Variants in SGK2 observed in about 807,000 individuals in gnomAD.
The protein encoded by SGK2 is serum/glucocorticoid regulated kinase 2, also known as serine/threonine-protein kinase Sgk2.
In SGK2, 36 loss-of-function variants were observed where a neutral mutation model predicts 47.5. The observed-to-expected ratio is 0.76, with a 90% CI of 0.58 to 1.00. The LOEUF (loss-of-function observed/expected upper bound fraction) is 1.00, where lower values mean the gene tolerates loss of function less well. Among genes scored for constraint, SGK2 ranks in the 50% least tolerant of loss-of-function variants. The probability of loss-of-function intolerance (pLI) is 0.00; values close to 1 mark genes in which losing one functional copy is unlikely to be tolerated. For missense variants in SGK2, 404 were observed against 467.4 expected (o/e 0.86, Z 1.25); for synonymous variants, 157 against 181.9 (o/e 0.86, Z 1.10).
At chr20:43,562,417 C>CAAAAA (rs111670042) in intron 1 of SGK2, among the ~76,000 whole-genome samples, 4 of 49,934 alleles carry the variant, frequency 8.0e-5, no homozygotes, top group African/African-American at 1.4e-4. Context: ...AACCATGTCT[C>CAAAAA]AAAAAAAAAA....
At chr20:43,575,885 C>T (rs1267623923) in intron 10 of SGK2, among the ~76,000 whole-genome samples, 1 of 152,190 alleles carries the variant, frequency 6.6e-6, no homozygotes, top group East Asian at 1.9e-4. Flanking sequence ...GCCTTGTTTT[C>T]TTACCTGAAA....
At chr20:43,570,891 T>C in intron 7 of SGK2, 133 bp from the exon 8 acceptor site, 1 of 1,450,296 alleles carries the variant, frequency 6.9e-7, no homozygotes, top group Non-Finnish European at 9.6e-7. Context: ...CCAGCCTTTC[T>C]GGGCTCTCCT....
At chr20:43,561,539 A>G (rs754881188) in intron 1 of SGK2, among the ~76,000 whole-genome samples, 3 of 151,650 alleles carry the variant, frequency 2.0e-5, no homozygotes, top group Non-Finnish European at 4.4e-5. Context: ...ACAGGCACAT[A>G]TCACCACGCC....
chr20:43,569,272 A>G (rs1390469800), intron 5 of SGK2, 113 bp from the exon 6 acceptor site: 2 of 1,359,548 alleles, frequency 1.5e-6, no homozygotes, highest in Non-Finnish European at 2.0e-6. Flanking sequence ...GAGCAGGGGC[A>G]TGAGAAAGTC....
Position 43,569,389 on chromosome 20 carries a change from G to T in SGK2, c.233G>T (p.Ser78Ile), listed in dbSNP as rs781438134. Residue 78 changes from serine (S) to isoleucine (I), a missense_variant, in exon 6 of 13, where the codon AGC (serine) becomes ATC (isoleucine). Transcript: ENST00000373100. ...KKSILKKKEQSHIMAERSVLL... is the reference protein window; with the variant it reads ...KKSILKKKEQIHIMAERSVLL... The stretch of plus-strand genomic sequence containing the variant: ...CCTCTCTTTGTGACTCCACAGCAGA[G>T]CCACATCATGGCAGAGCGCAGTGTG... 36 of 1,613,770 alleles carry T rather than the reference G, an allele frequency of 2.2e-5. No individual in the cohort carries two copies. Among genetic ancestry groups the T allele is most frequent in the Admixed American group, 5.0e-5 (3 of 60,004 alleles).
chr20:43,560,737 T>C (rs1979332327), intron 1 of SGK2, among the ~76,000 whole-genome samples: 1 of 152,298 alleles, frequency 6.6e-6, no homozygotes, highest in Middle Eastern at 3.4e-3. Flanking sequence ...TTTTATATAG[T>C]TTTTGGTTGT....
intron 3 of SGK2, 37 bp from the exon 4 acceptor site, chr20:43,567,628 T>C: frequency 6.2e-7 from 1 of 1,607,202 alleles, no homozygotes; most frequent in Admixed American, 1.7e-5. Flanking sequence ...TTCCAGACAT[T>C]GCAAATGCTG....
intron 5 of SGK2, among the ~76,000 whole-genome samples, chr20:43,568,722 C>T (rs1414024496): frequency 6.6e-6 from 1 of 152,180 alleles, no homozygotes; most frequent in African/African-American, 2.4e-5. Flanking sequence ...CCGCTGGCCT[C>T]AGCCTCCCAA....
rs1247080721 is a variant in SGK2 at position 43,566,645 on chromosome 20, A to G, written c.36+114A>G. On this transcript the variant is annotated intron_variant, in intron 2 of 12. Transcript: ENST00000373100. Reference sequence around the variant, plus strand: ...GCTGAGAGGGTTACTGCGAGCACATAGAAATGAGCCACTTGCAGGGTGAAT... The same window carrying G: ...GCTGAGAGGGTTACTGCGAGCACATGGAAATGAGCCACTTGCAGGGTGAAT... The G allele has an allele frequency of 4.3e-6, 3 of 698,702 alleles. No homozygotes were observed. In the African/African-American group the frequency reaches 5.4e-5, roughly 12 times the overall value. 43.3% of individuals were successfully genotyped at this position (698,702 alleles called of 1,614,324 possible).
At chr20:43,568,061 T>C in intron 5 of SGK2, 62 bp downstream of exon 5, 11 of 1,423,732 alleles carry the variant, frequency 7.7e-6, no homozygotes, top group Non-Finnish European at 1.1e-5. Context: ...CTAGGGTGGC[T>C]TTCAAAGATG....
intron 5 of SGK2, 112 bp from the exon 6 acceptor site, chr20:43,569,273 T>G: frequency 1.4e-4 from 191 of 1,371,286 alleles, no homozygotes; most frequent in Middle Eastern, 2.5e-4. Context: ...AGCAGGGGCA[T>G]GAGAAAGTCC....
At chr20:43,565,155 G>A (rs1979617831) in intron 1 of SGK2, 1 of 152,328 alleles carries the variant, frequency 6.6e-6, no homozygotes, top group Non-Finnish European at 1.5e-5. Flanking sequence ...TGAGCTCTGT[G>A]CTGGGGCCAG....
intron 1 of SGK2, among the ~76,000 whole-genome samples, chr20:43,561,540 T>C (rs1200707457): frequency 2.0e-5 from 3 of 151,714 alleles, no homozygotes; most frequent in Non-Finnish European, 4.4e-5. Context: ...CAGGCACATA[T>C]CACCACGCCC....
rs377563194 is a variant in SGK2 at position 43,566,304 on chromosome 20, C to A, written c.-23-169C>A. On this transcript the variant is annotated intron_variant, in intron 1 of 12. Transcript: ENST00000373100. ...AGTCTGGGTCCAGGGGATATCATTT[C>A]TTGTTCCATCCATGCAGGGGTTGCT... 37 of 1,596,692 alleles carry A rather than the reference C, an allele frequency of 2.3e-5. No homozygotes were observed. The African/African-American group carries it at 4.6e-4, about 20-fold the overall frequency.
intron 12 of SGK2, among the ~76,000 whole-genome samples, chr20:43,582,658 G>A (rs1027306097): frequency 6.8e-6 from 1 of 146,774 alleles, no homozygotes; most frequent in Non-Finnish European, 1.5e-5. Context: ...AAAGTGCTGG[G>A]ATTACAGGCA....
Position 43,579,098 on chromosome 20 carries a change from A to G in SGK2, c.850-874A>G, listed in dbSNP as rs1185530619. Among the ~76,000 whole-genome samples the G allele has an allele frequency of 3.3e-5, 5 of 150,644 alleles. No homozygotes were observed. In the East Asian group the frequency reaches 5.9e-4, roughly 18 times the overall value. On this transcript the variant is annotated intron_variant, in intron 11 of 12. Coordinates refer to ENST00000373100, the MANE Select transcript of SGK2 (RefSeq NM_170693.3). ...AGTGGCATGATCTCGGCTCACTGCA[A>G]CCTCTGCCTCCCGGGTTCAAGTGAT...
rs373606723 is a variant in SGK2, at chr20:43,576,296, G to A, written c.766G>A (p.Gly256Ser). 1.2e-6 allele frequency: 2 copies of A among 1,614,110 alleles called. No individual in the cohort carries two copies. Among genetic ancestry groups the A allele is most frequent in the Non-Finnish European group, 8.5e-7 (1 of 1,180,050 alleles). ...GCACCAGCCGCTACAGATCCCCGGA[G>A]GCCGGACAGTGGCCGCCTGTGACCT... ...ILHQPLQIPG[G>S]RTVAACDLLQ... Residue 256 changes from glycine (G) to serine (S), a missense_variant, in exon 11 of 13, where the codon GGC (glycine) becomes AGC (serine). Transcript: ENST00000373100.
At chr20:43,577,865 G>A (rs1600998682) in intron 11 of SGK2, among the ~76,000 whole-genome samples, 1 of 151,448 alleles carries the variant, frequency 6.6e-6, no homozygotes, top group African/African-American at 2.4e-5. Flanking sequence ...GGCTGGTCTC[G>A]AACGCCTGAC....
In SGK2 at chr20:43,566,071, C is replaced by T. The variant is rs562232245; in HGVS notation, c.-23-402C>T. 60 of 414,986 alleles carry T rather than the reference C, an allele frequency of 1.4e-4. No homozygotes were observed. The South Asian group carries it at 4.2e-3, about 29-fold the overall frequency. The allele number at this position is 414,986 out of a possible 1,614,324, so 25.7% of individuals were successfully genotyped here. A position where few individuals can be genotyped will look rare whatever the true frequency, so the allele number is the denominator to read the frequency against. Reference sequence around the variant, plus strand: ...CCTAGGAAGGTCCTTTTTTAGGCCACAGGCCTTCCATCTGTGAAATGGGGG... The same window carrying T: ...CCTAGGAAGGTCCTTTTTTAGGCCATAGGCCTTCCATCTGTGAAATGGGGG... On this transcript the variant is annotated intron_variant, in intron 1 of 12. Coordinates refer to ENST00000373100, the MANE Select transcript of SGK2 (RefSeq NM_170693.3).
Sources: allele counts gnomAD v4.1 joint callset (sites outside exome capture counted in the v4.1 genomes callset), GRCh38; gene constraint gnomAD v4.1.1; transcripts MANE v1.5; gene names NCBI Gene and HGNC (gene_info 2026-07-23, HGNC 2026-07-21).